Variants in PEAK1 observed in about 807,000 individuals in gnomAD.
The protein encoded by PEAK1 is inactive tyrosine-protein kinase PEAK1.
Under a neutral mutation model 124.7 loss-of-function variants are expected in PEAK1, and 54 were observed. The observed-to-expected ratio is 0.43, with a 90% CI of 0.35 to 0.54. The LOEUF (loss-of-function observed/expected upper bound fraction) is 0.54, where lower values mean the gene tolerates loss of function less well. PEAK1 is among the 20% of genes least tolerant of loss of function. The pLI, the probability that PEAK1 is intolerant of heterozygous loss-of-function variation, is 0.01. For synonymous variants in PEAK1, 719 were observed against 760.0 expected (o/e 0.95, Z 0.89); for missense variants, 2,046 against 2,134.5 (o/e 0.96, Z 0.82).
At position 77,304,604 on chromosome 15, in the gene PEAK1, C is replaced by G. The variant is rs142849660; in HGVS notation, c.-602-18100G>C. Among the ~76,000 whole-genome samples, 768 of 152,016 alleles carry G rather than the reference C, an allele frequency of 5.1e-3. 4 individuals are homozygous for G. The highest frequency in any genetic ancestry group is 0.016 in the African/African-American group (664 of 41,492). ...CTGGGACTACAGGTGCCCGCCACCA[C>G]GTCCGGCCAATTTTTTTGTATTTTT... is the stretch of plus-strand genomic sequence containing the variant. On this transcript the variant is annotated intron_variant, in intron 2 of 9. Transcript: ENST00000682557.
At chr15:77,419,487 A>AG (rs2142225335) in intron 1 of PEAK1, 1 of 985,080 alleles carries the variant, frequency 1.0e-6, no homozygotes, top group Non-Finnish European at 1.2e-6. Context: ...CGAAGGGAGC[A>AG]GGCAGGGAGC....
intron 1 of PEAK1, chr15:77,419,546 G>C: frequency 1.0e-6 from 1 of 985,206 alleles, no homozygotes; most frequent in Non-Finnish European, 1.2e-6. Flanking sequence ...CGATGCTCCC[G>C]GGTGCGGGAG....
rs147775272 is a variant in PEAK1, at chr15:77,194,712, G to C, written c.-114-12672C>G. ...ATGTTTCTTGAACAGATGAATAAAT[G>C]ATGCTCTGCTATCTGGTTTCATAGA... On this transcript the variant is annotated intron_variant, in intron 6 of 9. Coordinates refer to ENST00000682557, the MANE Select transcript of PEAK1 (RefSeq NM_001385026.1). Among the ~76,000 whole-genome samples the C allele has an allele frequency of 5.9e-5, 9 of 152,240 alleles. No individual in the cohort carries two copies. In the East Asian group the frequency reaches 1.7e-3, roughly 29 times the overall value.
intron 6 of PEAK1, among the ~76,000 whole-genome samples, chr15:77,234,594 A>G (rs181705136): frequency 9.1e-4 from 139 of 152,300 alleles, no homozygotes; most frequent in African/African-American, 3.2e-3. Context: ...ACCATTCCAC[A>G]CATCTCTCTA....
intron 6 of PEAK1, among the ~76,000 whole-genome samples, chr15:77,219,450 G>C (rs2059290737): frequency 6.6e-6 from 1 of 151,998 alleles, no homozygotes; most frequent in African/African-American, 2.4e-5. Flanking sequence ...TAGTTAATTT[G>C]GTAAACAACA....
At chr15:77,418,420 G>A (rs1037224099) in intron 1 of PEAK1, 3 of 985,038 alleles carry the variant, frequency 3.0e-6, no homozygotes, top group African/African-American at 1.8e-5. Context: ...TTTCCCCCCC[G>A]ACAGCAATGA....
chr15:77,257,485 G>A (rs2061212984), intron 5 of PEAK1, among the ~76,000 whole-genome samples: 1 of 150,836 alleles, frequency 6.6e-6, no homozygotes, highest in South Asian at 2.1e-4. Flanking sequence ...CAGTGATGAT[G>A]AGCATTTTTT....
intron 9 of PEAK1, among the ~76,000 whole-genome samples, chr15:77,116,436 C>A (rs991227107): frequency 2.0e-5 from 3 of 151,540 alleles, no homozygotes; most frequent in East Asian, 1.9e-4. Context: ...TACAGAAAAG[C>A]AAAACTTAAA....
At chr15:77,301,360 GATC>G (rs1343687471) in intron 2 of PEAK1, among the ~76,000 whole-genome samples, 6 of 152,152 alleles carry the variant, frequency 3.9e-5, no homozygotes, top group Non-Finnish European at 7.3e-5. Context: ...AATCCAGGAT[GATC>G]ATCATATCAA....
chr15:77,296,907 G>A (rs1250545577), intron 2 of PEAK1, among the ~76,000 whole-genome samples: 1 of 151,734 alleles, frequency 6.6e-6, no homozygotes, highest in Non-Finnish European at 1.5e-5. Context: ...TTGGCCCAAA[G>A]TACCAAGTAC....
intron 6 of PEAK1, among the ~76,000 whole-genome samples, chr15:77,244,028 T>A: frequency 6.6e-6 from 1 of 152,010 alleles, no homozygotes; most frequent in East Asian, 1.9e-4. Flanking sequence ...GTGATCACAT[T>A]CAACTCCTAC....
intron 5 of PEAK1, among the ~76,000 whole-genome samples, chr15:77,256,591 T>C (rs2061149555): frequency 6.6e-6 from 1 of 151,940 alleles, no homozygotes; most frequent in Admixed American, 6.6e-5. Context: ...TTTTAAAGAG[T>C]TGAAAAAAAT....
At chr15:77,374,591 T>C (rs1307071852) in intron 1 of PEAK1, among the ~76,000 whole-genome samples, 1 of 152,130 alleles carries the variant, frequency 6.6e-6, no homozygotes, top group Non-Finnish European at 1.5e-5. Context: ...TTTGAACTTA[T>C]AAATGGTGAT....
intron 5 of PEAK1, among the ~76,000 whole-genome samples, chr15:77,268,244 G>A (rs2061842790): frequency 1.3e-5 from 2 of 152,206 alleles, no homozygotes; most frequent in Admixed American, 1.3e-4. Context: ...GGAGGCCGAG[G>A]TGGGCAGATC....
intron 1 of PEAK1, among the ~76,000 whole-genome samples, chr15:77,382,540 A>G (rs2069571624): frequency 1.3e-5 from 2 of 152,050 alleles, no homozygotes; most frequent in African/African-American, 4.8e-5. Flanking sequence ...ACCCACACCA[A>G]ATCTGCATTA....
chr15:77,371,380 G>T, intron 1 of PEAK1: 3 of 934,960 alleles, frequency 3.2e-6, no homozygotes, highest in Non-Finnish European at 3.8e-6. Context: ...AACATTAATT[G>T]AAAGTGTTGT....
At chr15:77,124,635 AGCATAATGACTG>A (rs1462913734) in intron 9 of PEAK1, among the ~76,000 whole-genome samples, 1 of 152,200 alleles carries the variant, frequency 6.6e-6, no homozygotes, top group Non-Finnish European at 1.5e-5. Flanking sequence ...CTACTGCAAT[AGCATAATGACTG>A]GCTTCCTTGC....
At chr15:77,294,407 T>C (rs1328098002) in intron 2 of PEAK1, among the ~76,000 whole-genome samples, 1 of 152,194 alleles carries the variant, frequency 6.6e-6, no homozygotes, top group Non-Finnish European at 1.5e-5. Context: ...GATTATGAAA[T>C]AATATACCAT....
intron 6 of PEAK1, among the ~76,000 whole-genome samples, chr15:77,184,038 CA>C (rs1182850459): frequency 4.0e-5 from 6 of 151,808 alleles, no homozygotes; most frequent in Non-Finnish European, 7.4e-5. Flanking sequence ...CCATGTTGTC[CA>C]GGGTGGTCTC....
Sources: gnomAD v4.1 joint callset for allele counts (sites outside exome capture counted in the v4.1 genomes callset) on GRCh38, gnomAD v4.1.1 for gene constraint, MANE v1.5 for transcripts, NCBI Gene and HGNC (gene_info 2026-07-23, HGNC 2026-07-21) for gene names.